ALG3: variants seen among roughly 807,000 people sequenced by gnomAD.
ALG3 encodes the protein dol-P-Man:Man(5)GlcNAc(2)-PP-Dol alpha-1,3-mannosyltransferase.
Under a neutral mutation model 50.5 loss-of-function variants are expected in ALG3, and 39 were observed. That is an observed-to-expected ratio of 0.77 (90% CI 0.60 to 1.01). The LOEUF (loss-of-function observed/expected upper bound fraction) is 1.01, where lower values mean the gene tolerates loss of function less well. ALG3 is among the 50% of genes least tolerant of loss of function. ALG3 has a pLI of 0.00. For missense variants in ALG3, 520 were observed against 554.8 expected (o/e 0.94, Z 0.63); for synonymous variants, 252 against 237.2 (o/e 1.06, Z -0.58).
chr3:184,244,877 G>T, intron 4 of ALG3, 156 bp from the exon 5 acceptor site: 1 of 1,114,178 alleles, frequency 9.0e-7, no homozygotes, highest in Non-Finnish European at 1.3e-6. Flanking sequence ...CTGTTGGAGG[G>T]AAGAGCCTGG....
chr3:184,248,794 G>A lies in ALG3; in HGVS notation c.147C>T (p.Leu49=), dbSNP rs781648501. The change falls in exon 1 of 9, where the codon CTC becomes CTT. Residue 49 remains leucine (L), a synonymous_variant. Coordinates refer to ENST00000397676, the MANE Select transcript of ALG3 (RefSeq NM_005787.6). ...PRYTLLVAAC[L]CLAEVGITFW... is the part of the protein sequence containing the mutation. The stretch of plus-strand genomic sequence containing the variant: ...AGGTGATGCCCACCTCCGCCAGGCA[G>A]AGGCAGGCGGCCACCAGCAGCGTGT... 1.9e-6 allele frequency: 3 copies of A among 1,585,054 alleles called. No individual in the cohort carries two copies. The highest frequency in any genetic ancestry group is 2.6e-6 in the Non-Finnish European group (3 of 1,163,254).
Position 184,245,714 on chromosome 3 carries a change from C to T in ALG3, c.295G>A (p.Val99Met). ...CCTGAACTTCCTGTCCCCACTCACA[C>T]AAGTGGTCCGGTGTCACCCTGCAGT... ...TQLQGDTGPL[V>M]YPAGFVYIFM... The change falls in exon 2 of 9, where the codon GTG (valine) becomes ATG (methionine). Residue 99 changes from valine (V) to methionine (M), a missense_variant and splice_region_variant. Val to Met is a conservative substitution (Grantham distance 21). Transcript: ENST00000397676. The T allele has an allele frequency of 6.2e-7, 1 of 1,612,602 alleles. No homozygotes were observed. Among genetic ancestry groups the T allele is most frequent in the Non-Finnish European group, 8.5e-7 (1 of 1,178,700 alleles).
chr3:184,245,751 A>G lies in ALG3; in HGVS notation c.258T>C (p.Tyr86=), dbSNP rs1719112147. 1.2e-6 allele frequency: 2 copies of G among 1,613,908 alleles called. No homozygotes were observed. Among genetic ancestry groups the G allele is most frequent in the Non-Finnish European group, 1.7e-6 (2 of 1,179,850 alleles). The change falls in exon 2 of 9, where the codon TAT becomes TAC. Residue 86 remains tyrosine, a synonymous_variant. Coordinates refer to ENST00000397676, the MANE Select transcript of ALG3 (RefSeq NM_005787.6). ...TGTCACCCTGCAGTTGGGTATAGTC[A>G]TAGGTACCATTGATGACGCCTTCTA... ...AEVEGVINGT[Y]DYTQLQGDTG... is the part of the protein sequence containing the mutation.
At chr3:184,244,897 G>T in intron 4 of ALG3, 176 bp from the exon 5 acceptor site, 1 of 906,818 alleles carries the variant, frequency 1.1e-6, no homozygotes, top group Admixed American at 2.5e-5. Flanking sequence ...GAGTAGGCAG[G>T]AGGCAGATAC....
intron 7 of ALG3, 130 bp downstream of exon 7, chr3:184,243,424 G>A: frequency 1.3e-6 from 1 of 771,836 alleles, no homozygotes; most frequent in Middle Eastern, 3.3e-4. Flanking sequence ...GCACAGTGGT[G>A]CAGAATAGGA....
rs34546476 is a variant in ALG3, at chr3:184,246,680, CTTTT to C, written c.197-872_197-869del. Among the ~76,000 whole-genome samples, 56 of 131,296 alleles carry C rather than the reference CTTTT, an allele frequency of 4.3e-4. No individual in the cohort carries two copies. In the Middle Eastern group the frequency reaches 0.015, roughly 34 times the overall value. The allele number at this position is 131,296 out of a possible 152,430, so 86.1% of individuals were successfully genotyped here. On this transcript the variant is annotated intron_variant, in intron 1 of 8. Transcript: ENST00000397676. ...TTCCTCAAAGGAACCAGGCTGTCTT[CTTTT>C]TTTTTTTTTTTTGACAGAGTCTCAC...
intron 1 of ALG3, 131 bp downstream of exon 1, chr3:184,248,614 G>T (rs974281706): frequency 3.6e-6 from 3 of 826,570 alleles, no homozygotes; most frequent in Non-Finnish European, 5.6e-6. Context: ...TCAGGTAAGG[G>T]ATATGGATGG....
chr3:184,245,744 TA>T lies in ALG3; in HGVS notation c.264del (p.Tyr88Ter), dbSNP rs1719111783. On this transcript the variant is annotated frameshift_variant, in exon 2 of 9. Transcript: ENST00000397676. LOFTEE classifies it high-confidence loss of function. ...GGTCCGGTGTCACCCTGCAGTTGGG[TA>T]TAGTCATAGGTACCATTGATGACGC... is the stretch of plus-strand genomic sequence containing the variant. Reference protein sequence around the residue: ...VEGVINGTYDYTQLQGDTGPL... With the variant: ...VEGVINGTYDXTQLQGDTGPL... 6.2e-7 allele frequency: 1 copy of T among 1,613,654 alleles called. No individual in the cohort carries two copies. Among genetic ancestry groups the T allele is most frequent in the African/African-American group, 1.3e-5 (1 of 74,892 alleles).
intron 5 of ALG3, chr3:184,244,279 C>G (rs969319387): frequency 3.7e-6 from 2 of 535,612 alleles, no homozygotes; most frequent in African/African-American, 3.8e-5. Context: ...CAGGGTGGCT[C>G]ATGCCCAAAA....
At position 184,245,695 on chromosome 3, in the gene ALG3, C is replaced by T. The variant is rs1560164665; in HGVS notation, c.296+18G>A. ...ACCAGCCCCTCACATCCTCCCTGAA[C>T]TTCCTGTCCCCACTCACACAAGTGG... is the stretch of plus-strand genomic sequence containing the variant. On this transcript the variant is annotated intron_variant, in intron 2 of 8. Coordinates refer to ENST00000397676, the MANE Select transcript of ALG3 (RefSeq NM_005787.6). The T allele has an allele frequency of 1.2e-6, 2 of 1,611,030 alleles. No individual in the cohort carries two copies. The highest frequency in any genetic ancestry group is 1.7e-6 in the Non-Finnish European group (2 of 1,177,656).
At chr3:184,243,305 T>C in intron 7 of ALG3, 2 of 581,300 alleles carry the variant, frequency 3.4e-6, no homozygotes, top group South Asian at 4.5e-5. Flanking sequence ...GAGCTTTCAA[T>C]ATTAGAACAT....
Position 184,243,934 on chromosome 3 carries a change from G to A in ALG3, c.789C>T (p.Asp263=), listed in dbSNP as rs1288020912. 6.2e-7 allele frequency: 1 copy of A among 1,613,916 alleles called. No homozygotes were observed. Among genetic ancestry groups the A allele is most frequent in the Non-Finnish European group, 8.5e-7 (1 of 1,179,900 alleles). Residue 263 remains aspartate (D), a synonymous_variant, in exon 6 of 9, where the codon GAC becomes GAT. Transcript: ENST00000397676. ...NPSGYLSRSF[D]LGRQFLFHWT... is the part of the protein sequence containing the mutation. ...AGTGGAACAGAAACTGGCGGCCAAG[G>A]TCAAAGGAGCGGGACAGGTAGCCGC...
chr3:184,242,536 T>C lies in ALG3; in HGVS notation c.1295A>G (p.Gln432Arg). The change falls in exon 9 of 9, where the codon CAA becomes CGA. Residue 432 changes from glutamine (Q) to arginine (R), a missense_variant. Physicochemically the swap from Gln to Arg is conservative, Grantham distance 43. Around this residue, in one of 3 missense-constraint regions of ALG3, gnomAD observed 224 missense variants for 272.8 expected, o/e 0.82. Transcript: ENST00000397676. ...ACTTCAGTGGGCTTTCTTGCTGTGT[T>C]GGGTGCTCTTGGGGAAAGGCTGCGG... ...LGPQPFPKSTQHSKKAH is the reference protein window; with the variant it reads ...LGPQPFPKSTRHSKKAH The C allele has an allele frequency of 1.2e-6, 2 of 1,611,922 alleles. No homozygotes were observed. Among genetic ancestry groups the C allele is most frequent in the Non-Finnish European group, 1.7e-6 (2 of 1,178,784 alleles).
intron 1 of ALG3, 66 bp downstream of exon 1, chr3:184,248,679 A>T: frequency 1.4e-6 from 2 of 1,418,904 alleles, no homozygotes; most frequent in Non-Finnish European, 1.9e-6. Flanking sequence ...TCCAGGTCTG[A>T]GATCCAGTTT....
In ALG3 at chr3:184,242,452, C is replaced by G; in HGVS notation, c.*62G>C. 3 of 1,568,426 alleles carry G rather than the reference C, an allele frequency of 1.9e-6. No homozygotes were observed. The highest frequency in any genetic ancestry group is 2.6e-6 in the Non-Finnish European group (3 of 1,153,668). On this transcript the variant is annotated 3_prime_UTR_variant, in exon 9 of 9. Coordinates refer to ENST00000397676, the MANE Select transcript of ALG3 (RefSeq NM_005787.6). ...ACTTAGCAAGGTTTATTTGGAAGGG[C>G]AGAGTCCAACCAACCCCAGGTCCTG...
At position 184,243,778 on chromosome 3, in the gene ALG3, T is replaced by G. The variant is rs778498881; in HGVS notation, c.932+13A>C. ...CCCCCAACTCTGCCCATGGCACTAC[T>G]GCCTTTTCTCACCTGTGCCACCTGC... On this transcript the variant is annotated intron_variant, in intron 6 of 8. Transcript: ENST00000397676. 11 of 1,610,266 alleles carry G rather than the reference T, an allele frequency of 6.8e-6. No individual in the cohort carries two copies. In the South Asian group the frequency reaches 1.1e-4, roughly 16 times the overall value.
chr3:184,243,469 T>C (rs529412101), intron 7 of ALG3, 85 bp downstream of exon 7: 46 of 1,336,686 alleles, frequency 3.4e-5, no homozygotes, highest in Non-Finnish European at 4.9e-5. Flanking sequence ...CTCGCCCAGG[T>C]CACCAGCTGT....
At chr3:184,249,053 A>G (rs1719374665), upstream of ALG3, 1 of 1,504,986 alleles carries the variant, frequency 6.6e-7, no homozygotes. Context: ...CGATCCGAGT[A>G]GCCAGTCTTC....
chr3:184,248,840 A>C lies in ALG3; in HGVS notation c.101T>G (p.Leu34Arg). 2 of 1,608,420 alleles carry C rather than the reference A, an allele frequency of 1.2e-6. No homozygotes were observed. Among genetic ancestry groups the C allele is most frequent in the Non-Finnish European group, 8.5e-7 (1 of 1,177,644 alleles). Residue 34 changes from leucine (L) to arginine (R), a missense_variant, in exon 1 of 9, where the codon CTG becomes CGG. Physicochemically the swap from Leu to Arg is moderately radical, Grantham distance 102. Coordinates refer to ENST00000397676, the MANE Select transcript of ALG3 (RefSeq NM_005787.6). ...WLQRAWQERR[L>R]LLREPRYTLL... The stretch of plus-strand genomic sequence containing the variant: ...CGTGTAGCGCGGCTCCCGCAGCAGC[A>C]GGCGCCGCTCTTGCCAGGCGCGCTG...
Sources: gnomAD v4.1 joint callset for allele counts (sites outside exome capture counted in the v4.1 genomes callset) on GRCh38, gnomAD v4.1.1 for gene constraint, gnomAD v4.1.1 regional missense constraint, MANE v1.5 for transcripts, NCBI Gene and HGNC (gene_info 2026-07-23, HGNC 2026-07-21) for gene names.